Variants in TACR3 observed in about 807,000 individuals in gnomAD.
The protein encoded by TACR3 is neuromedin-K receptor.
A neutral mutation model predicts 35.0 loss-of-function variants in TACR3; 34 were observed. That is an observed-to-expected ratio of 0.97 (90% confidence interval 0.74 to 1.30). The LOEUF (loss-of-function observed/expected upper bound fraction) is 1.30. Among genes scored for constraint, TACR3 ranks in the 50% most tolerant of loss-of-function variants. TACR3 has a pLI of 0.00. For missense variants in TACR3, 558 were observed against 591.7 expected, an observed-to-expected ratio of 0.94 and a Z score of 0.59; for synonymous variants, 233 against 221.1, an observed-to-expected ratio of 1.05 and a Z score of -0.48.
intron 3 of TACR3, among the ~76,000 whole-genome samples, chr4:103,636,371 T>C (rs2110315782): frequency 6.6e-6 from 1 of 152,126 alleles, no homozygotes; most frequent in East Asian, 1.9e-4. Flanking sequence ...ATGAGTTTTT[T>C]TCTGAGAATT....
At chr4:103,635,474 G>C (rs1725166590) in intron 3 of TACR3, among the ~76,000 whole-genome samples, 1 of 151,970 alleles carries the variant, frequency 6.6e-6, no homozygotes, top group Non-Finnish European at 1.5e-5. Context: ...AGACAACTCA[G>C]AGCCTAATCA....
chr4:103,665,400 T>C (rs1264475475), intron 1 of TACR3, among the ~76,000 whole-genome samples: 3 of 151,978 alleles, frequency 2.0e-5, no homozygotes, highest in Non-Finnish European at 1.5e-5. Flanking sequence ...TATACTGATA[T>C]TTGAGGGAAA....
intron 1 of TACR3, among the ~76,000 whole-genome samples, chr4:103,705,151 C>G (rs988753084): frequency 5.9e-5 from 9 of 152,004 alleles, no homozygotes; most frequent in African/African-American, 2.2e-4. Context: ...AAAAATGACT[C>G]AAAGGATGTA....
intron 1 of TACR3, among the ~76,000 whole-genome samples, chr4:103,699,892 G>C (rs1312264689): frequency 6.6e-6 from 1 of 152,068 alleles, no homozygotes; most frequent in Admixed American, 6.6e-5. Context: ...TGTTGAGGAG[G>C]CTGTCGTATT....
At chr4:103,705,571 T>G (rs1273366610) in intron 1 of TACR3, among the ~76,000 whole-genome samples, 2 of 152,092 alleles carry the variant, frequency 1.3e-5, no homozygotes, top group Non-Finnish European at 2.9e-5. Flanking sequence ...TAAATAAATA[T>G]AAATATGAAA....
intron 1 of TACR3, among the ~76,000 whole-genome samples, chr4:103,708,639 G>A (rs1431856099): frequency 1.3e-5 from 2 of 152,174 alleles, no homozygotes; most frequent in Non-Finnish European, 2.9e-5. Flanking sequence ...GCTAGCAATG[G>A]AACAAAGCTG....
At chr4:103,711,615 T>A (rs961130593) in intron 1 of TACR3, among the ~76,000 whole-genome samples, 2 of 152,108 alleles carry the variant, frequency 1.3e-5, no homozygotes, top group Admixed American at 6.6e-5. Context: ...AACACTCCTA[T>A]TCAACATAAT....
intron 1 of TACR3, among the ~76,000 whole-genome samples, chr4:103,688,832 G>T (rs1326434127): frequency 2.4e-4 from 36 of 152,222 alleles, no homozygotes; most frequent in East Asian, 1.9e-3. Context: ...ATTGTGGAAG[G>T]CAGTGTGGCG....
chr4:103,647,376 C>T (rs927701284), intron 3 of TACR3, among the ~76,000 whole-genome samples: 4 of 151,778 alleles, frequency 2.6e-5, no homozygotes. Context: ...TTTCTAGATA[C>T]TAAATTATTC....
intron 3 of TACR3, among the ~76,000 whole-genome samples, chr4:103,606,625 C>G (rs915195176): frequency 2.6e-5 from 4 of 151,084 alleles, no homozygotes; most frequent in Non-Finnish European, 5.9e-5. Flanking sequence ...GGCTCTCTGT[C>G]TGTTGTTGGT....
At chr4:103,702,378 G>A (rs575300192) in intron 1 of TACR3, among the ~76,000 whole-genome samples, 57 of 152,160 alleles carry the variant, frequency 3.7e-4, no homozygotes, top group African/African-American at 1.2e-3. Context: ...TTAGAATGGC[G>A]ATCATTAAAA....
chr4:103,599,129 C>T (rs538543146), intron 3 of TACR3, among the ~76,000 whole-genome samples: 4,682 of 152,146 alleles, frequency 0.031, 211 homozygotes, highest in African/African-American at 0.11. Context: ...TTTTATTTCA[C>T]TGAGCAGTGG....
At chr4:103,665,305 A>T (rs867132002) in intron 1 of TACR3, among the ~76,000 whole-genome samples, 2 of 136,540 alleles carry the variant, frequency 1.5e-5, no homozygotes, top group Non-Finnish European at 3.3e-5. Context: ...GTATATATGA[A>T]TATATACATA....
At chr4:103,644,550 A>C (rs1313681289) in intron 3 of TACR3, among the ~76,000 whole-genome samples, 1 of 151,824 alleles carries the variant, frequency 6.6e-6, no homozygotes, top group Non-Finnish European at 1.5e-5. Context: ...AAATATCTGA[A>C]TGAAAAATAA....
At position 103,647,168 on chromosome 4, in the gene TACR3, A is replaced by G. The variant is rs148413027; in HGVS notation, c.888+9026T>C. 5.0e-3 allele frequency among the ~76,000 whole-genome samples: 758 copies of G among 152,016 alleles called. 12 individuals are homozygous for G. The highest frequency in any genetic ancestry group is 0.017 in the African/African-American group (725 of 41,522). The stretch of plus-strand genomic sequence containing the variant: ...TTGAACACTAGATATTTAAAATTCA[A>G]CTTTTCATATGCCAACCTATGGTGT... On this transcript the variant is annotated intron_variant, in intron 3 of 4. Coordinates refer to ENST00000304883, the MANE Select transcript of TACR3 (RefSeq NM_001059.3).
At chr4:103,667,904 C>T (rs1725966617) in intron 1 of TACR3, among the ~76,000 whole-genome samples, 1 of 152,162 alleles carries the variant, frequency 6.6e-6, no homozygotes, top group South Asian at 2.1e-4. Context: ...TCTTGGCTCA[C>T]TGCAATCTCT....
At chr4:103,638,895 A>T (rs1272877908) in intron 3 of TACR3, among the ~76,000 whole-genome samples, 2 of 152,192 alleles carry the variant, frequency 1.3e-5, no homozygotes, top group Non-Finnish European at 2.9e-5. Context: ...ATGAGATACC[A>T]TCTCACACCA....
At chr4:103,654,627 C>T (rs1339518892) in intron 3 of TACR3, among the ~76,000 whole-genome samples, 1 of 150,316 alleles carries the variant, frequency 6.7e-6, no homozygotes. Flanking sequence ...AGCACACCAA[C>T]GTGGCACATG....
chr4:103,708,251 C>T (rs1005616055), intron 1 of TACR3, among the ~76,000 whole-genome samples: 2 of 152,176 alleles, frequency 1.3e-5, no homozygotes, highest in Non-Finnish European at 1.5e-5. Flanking sequence ...AGGTACCCCT[C>T]CAGTAGGGGC....
Sources: allele counts gnomAD v4.1 joint callset (sites outside exome capture counted in the v4.1 genomes callset), GRCh38; gene constraint gnomAD v4.1.1; transcripts MANE v1.5; gene names NCBI Gene and HGNC (gene_info 2026-07-23, HGNC 2026-07-21).